DRAXIN: variants seen among roughly 807,000 people sequenced by gnomAD.
DRAXIN encodes dorsal inhibitory axon guidance protein, also known as dorsal repulsive axon guidance protein.
In DRAXIN, 27 loss-of-function variants were observed where a neutral mutation model predicts 33.9. That is an observed-to-expected ratio of 0.80 (90% CI 0.59 to 1.10). The LOEUF is 1.10. Among genes scored for constraint, DRAXIN ranks in the 50% least tolerant of loss-of-function variants. DRAXIN has a pLI of 0.00. For missense variants in DRAXIN, 371 were observed against 460.8 expected (o/e 0.81, Z 1.78); for synonymous variants, 178 against 194.0 (o/e 0.92, Z 0.69).
At chr1:11,709,493 C>A in intron 3 of DRAXIN, 28 bp downstream of exon 3, 1 of 1,598,206 alleles carries the variant, frequency 6.3e-7, no homozygotes, top group South Asian at 1.1e-5. Context: ...AGCCTCGGAT[C>A]TGGAAGGGTC....
intron 2 of DRAXIN, among the ~76,000 whole-genome samples, chr1:11,708,301 CT>C: frequency 6.6e-6 from 1 of 152,326 alleles, no homozygotes; most frequent in Non-Finnish European, 1.5e-5. Flanking sequence ...CCCTGCTCTG[CT>C]AATGACTGGC....
intron 2 of DRAXIN, among the ~76,000 whole-genome samples, chr1:11,709,059 C>G (rs1440996890): frequency 6.6e-6 from 1 of 152,216 alleles, no homozygotes; most frequent in Non-Finnish European, 1.5e-5. Flanking sequence ...GACTGTCTCC[C>G]CAGCGACACT....
chr1:11,687,691 G>A (rs1640983040), upstream of DRAXIN, among the ~76,000 whole-genome samples: 1 of 152,136 alleles, frequency 6.6e-6, no homozygotes. The surrounding 1 kb of genome is among the most constrained non-coding windows in gnomAD (Gnocchi z 4.1). Flanking sequence ...TTGCCAATAC[G>A]GAACATTCCA....
intron 3 of DRAXIN, among the ~76,000 whole-genome samples, 162 bp downstream of exon 3, chr1:11,709,627 A>C (rs1179411159): frequency 6.6e-6 from 1 of 152,192 alleles, no homozygotes; most frequent in Non-Finnish European, 1.5e-5. Context: ...GTCTAGCTCC[A>C]GCCCTGGTGG....
At chr1:11,715,077 C>G in intron 5 of DRAXIN, 42 bp from the exon 6 acceptor site, 1 of 1,605,662 alleles carries the variant, frequency 6.2e-7, no homozygotes, top group African/African-American at 1.3e-5. Context: ...CGGGGAGGGG[C>G]GGCTCAGCTT....
chr1:11,709,444 C>A lies in DRAXIN; in HGVS notation c.621C>A (p.Pro207=). The change falls in exon 3 of 7, where the codon CCC becomes CCA. Residue 207 remains proline, a synonymous_variant. Transcript: ENST00000294485. ...APATEESLIL[P]VTSLRPQQAQ... ...CCACAGAAGAGTCCCTGATCCTGCCCGTCACCTCCCTGCGGCCCCAGGTAA... is the reference window on the plus strand; with the variant it reads ...CCACAGAAGAGTCCCTGATCCTGCCAGTCACCTCCCTGCGGCCCCAGGTAA... The A allele has an allele frequency of 6.2e-7, 1 of 1,613,552 alleles. No individual in the cohort carries two copies. Among genetic ancestry groups the A allele is most frequent in the South Asian group, 1.1e-5 (1 of 90,970 alleles).
chr1:11,709,520 G>A (rs1401444237), intron 3 of DRAXIN, 55 bp downstream of exon 3: 1 of 1,550,452 alleles, frequency 6.4e-7, no homozygotes, highest in Non-Finnish European at 8.7e-7. Flanking sequence ...CCCATGTCAT[G>A]GAAAGCCCTC....
Position 11,719,907 on chromosome 1 carries a change from G to A in DRAXIN, c.*211G>A, listed in dbSNP as rs1167530905. The A allele has an allele frequency of 9.1e-6, 5 of 551,414 alleles. No homozygotes were observed. The highest frequency in any genetic ancestry group is 6.2e-5 in the South Asian group (3 of 48,268). The allele number at this position is 551,414 out of a possible 1,614,324, so 34.2% of individuals were successfully genotyped here. On this transcript the variant is annotated 3_prime_UTR_variant, in exon 7 of 7. Transcript: ENST00000294485. The stretch of plus-strand genomic sequence containing the variant: ...CGCAGCACCTGCACACACGAAGTCC[G>A]GACCCACGCAGCCTCCATCCCGCGT...
At position 11,715,193 on chromosome 1, in the gene DRAXIN, T is replaced by C. The variant is rs1641557289; in HGVS notation, c.922T>C (p.Cys308Arg). 1 of 1,614,122 alleles carries C rather than the reference T, an allele frequency of 6.2e-7. No homozygotes were observed. Among genetic ancestry groups the C allele is most frequent in the Non-Finnish European group, 8.5e-7 (1 of 1,180,042 alleles). The change falls in exon 6 of 7, where the codon TGC (cysteine) becomes CGC (arginine). Residue 308 changes from cysteine (C) to arginine (R), a missense_variant. Physicochemically the swap from Cys to Arg is radical, Grantham distance 180 (BLOSUM62 -3). Transcript: ENST00000294485. ...RGLNNKCFDDCMCVEGLRCYA... is the reference protein window; with the variant it reads ...RGLNNKCFDDRMCVEGLRCYA... ...CCTCAACAACAAATGCTTCGATGAC[T>C]GCATGTGTGTGGAAGGTGGGTCCAG...
chr1:11,717,393 G>A (rs991784625), intron 6 of DRAXIN, among the ~76,000 whole-genome samples: 1 of 151,926 alleles, frequency 6.6e-6, no homozygotes, highest in African/African-American at 2.4e-5. Context: ...GGCCAGGGGA[G>A]TGGTTCATGC....
chr1:11,694,005 CT>C lies in DRAXIN; in HGVS notation c.-11+2155del, dbSNP rs1277986018. ...CCTCCTCTGAGCTTTTGCTAGGGCTCTTTCTGCCCTGCCCTGTGTTTGATCT... is the reference window on the plus strand; with the variant it reads ...CCTCCTCTGAGCTTTTGCTAGGGCTCTTCTGCCCTGCCCTGTGTTTGATCT... On this transcript the variant is annotated intron_variant, in intron 1 of 6. Transcript: ENST00000294485. The surrounding 1 kb of genome is among the most constrained non-coding windows in gnomAD (Gnocchi z 4.9). Among the ~76,000 whole-genome samples, 1 of 152,194 alleles carries C rather than the reference CT, an allele frequency of 6.6e-6. No homozygotes were observed. Among genetic ancestry groups the C allele is most frequent in the Non-Finnish European group, 1.5e-5 (1 of 68,032 alleles).
chr1:11,711,527 A>G (rs1457223537), intron 3 of DRAXIN, among the ~76,000 whole-genome samples: 1 of 152,226 alleles, frequency 6.6e-6, no homozygotes, highest in Non-Finnish European at 1.5e-5. Flanking sequence ...TCGTGGGCTT[A>G]AAGACCCTGG....
rs1273908666 is a variant in DRAXIN at position 11,706,426 on chromosome 1, C to T, written c.168C>T (p.His56=). 2 of 1,611,994 alleles carry T rather than the reference C, an allele frequency of 1.2e-6. No individual in the cohort carries two copies. The highest frequency in any genetic ancestry group is 1.7e-6 in the Non-Finnish European group (2 of 1,179,558). The change falls in exon 2 of 7, where the codon CAC becomes CAT. Residue 56 remains histidine, a synonymous_variant. Transcript: ENST00000294485. The surrounding 1 kb of genome is among the most constrained non-coding windows in gnomAD (Gnocchi z 5.5). ...GPALWTPQAS[H]HRRRGPGKKE... is the part of the protein sequence containing the mutation. Reference sequence around the variant, plus strand: ...CGCTGTGGACGCCTCAGGCCAGCCACCACCGCCGGCGGGGCCCGGGCAAGA... The same window carrying T: ...CGCTGTGGACGCCTCAGGCCAGCCATCACCGCCGGCGGGGCCCGGGCAAGA...
At chr1:11,712,246 A>G (rs1883574) in intron 4 of DRAXIN, 94 bp from the exon 5 acceptor site, 1,064,077 of 1,387,090 alleles carry the variant, frequency 0.77, 410,740 homozygotes, top group African/African-American at 0.96. Context: ...CATGCTGTAG[A>G]GTGGTGGTAT....
At chr1:11,689,661 T>A (rs1180600384), upstream of DRAXIN, among the ~76,000 whole-genome samples, 5 of 152,166 alleles carry the variant, frequency 3.3e-5, no homozygotes, top group African/African-American at 1.2e-4. Context: ...TAGCACATCA[T>A]CAGGAAATAA....
upstream of DRAXIN, among the ~76,000 whole-genome samples, chr1:11,690,173 G>A (rs935837906): frequency 1.3e-5 from 2 of 151,960 alleles, no homozygotes; most frequent in Admixed American, 1.3e-4. This position sits in a 1 kb window ranked among gnomAD's most constrained non-coding sequence, Gnocchi z 4.2. Flanking sequence ...CTTATCTTCT[G>A]TCTCCTTCAC....
In DRAXIN at chr1:11,692,223, G is replaced by C. The variant is rs1044471718; in HGVS notation, c.-11+370G>C. Among the ~76,000 whole-genome samples the C allele has an allele frequency of 3.9e-5, 6 of 152,170 alleles. No homozygotes were observed. The highest frequency in any genetic ancestry group is 1.2e-4 in the African/African-American group (5 of 41,438). On this transcript the variant is annotated intron_variant, in intron 1 of 6. Transcript: ENST00000294485. The surrounding 1 kb of genome is among the most constrained non-coding windows in gnomAD (Gnocchi z 5.8). ...ACTAGCCTTCTCTCTCCCTGACCCA[G>C]TCTCCCTTTGTCTCTCTGTCTCTGA... is the stretch of plus-strand genomic sequence containing the variant.
chr1:11,690,948 TTGTG>T (rs796427144), upstream of DRAXIN, among the ~76,000 whole-genome samples: 1 of 144,752 alleles, frequency 6.9e-6, no homozygotes, highest in African/African-American at 2.6e-5. The surrounding 1 kb of genome is among the most constrained non-coding windows in gnomAD (Gnocchi z 4.2). Context: ...GTGTGTGTGT[TTGTG>T]TGTGTGTGTA....
intron 5 of DRAXIN, 133 bp from the exon 6 acceptor site, chr1:11,714,986 A>C (rs1570319439): frequency 2.0e-6 from 2 of 1,005,036 alleles, no homozygotes; most frequent in Non-Finnish European, 3.0e-6. Flanking sequence ...AGCCTTGCAC[A>C]CCAGATGGCC....
Sources: allele counts gnomAD v4.1 joint callset (sites outside exome capture counted in the v4.1 genomes callset), GRCh38; gene constraint gnomAD v4.1.1; non-coding constraint Gnocchi (gnomAD v3.1); transcripts MANE v1.5; gene names NCBI Gene and HGNC (gene_info 2026-07-23, HGNC 2026-07-21).